Variants in GFOD1 observed in about 807,000 individuals in gnomAD.
GFOD1 encodes glucose-fructose oxidoreductase domain-containing protein 1.
In GFOD1, 9 loss-of-function variants were observed where a neutral mutation model predicts 25.4. That is an observed-to-expected ratio of 0.35 (90% CI 0.21 to 0.62). GFOD1 has a LOEUF of 0.62. Ranked by LOEUF, GFOD1 falls within the 20% of genes least tolerant of loss-of-function variation. The pLI is 0.72. For synonymous variants in GFOD1, 253 were observed against 245.6 expected (o/e 1.03, Z -0.28); for missense variants, 403 against 556.9 (o/e 0.72, Z 2.78).
Position 13,486,994 on chromosome 6 carries a change from T to C in GFOD1, c.-104A>G, listed in dbSNP as rs1012594565. On this transcript the variant is annotated 5_prime_UTR_variant, in exon 1 of 2. Coordinates refer to ENST00000379287, the MANE Select transcript of GFOD1 (RefSeq NM_018988.4). ...CTGCACCCCGCTCCTGTAGCCAATC[T>C]AGCCGCGGTGCGCCAGCCGCCGTGC... 20 of 1,382,558 alleles carry C rather than the reference T, an allele frequency of 1.4e-5. No homozygotes were observed. In the African/African-American group the frequency reaches 2.3e-4, roughly 16 times the overall value. The allele number at this position is 1,382,558 out of a possible 1,614,324, so 85.6% of individuals were successfully genotyped here. A position where few individuals can be genotyped will look rare whatever the true frequency, so the allele number is the denominator to read the frequency against.
At chr6:13,428,676 T>C (rs978759669) in intron 1 of GFOD1, among the ~76,000 whole-genome samples, 1 of 128,896 alleles carries the variant, frequency 7.8e-6, no homozygotes, top group Non-Finnish European at 1.8e-5. Flanking sequence ...AAAAAAGCCT[T>C]CCCTGAGGGA....
rs746909529 is a variant in GFOD1 at position 13,365,423 on chromosome 6, C to T, written c.493G>A (p.Asp165Asn). Residue 165 changes from aspartate to asparagine, a missense_variant, in exon 2 of 2, where the codon GAC (aspartate) becomes AAC (asparagine). Asp to Asn is a conservative substitution (Grantham distance 23). Coordinates refer to ENST00000379287, the MANE Select transcript of GFOD1 (RefSeq NM_018988.4). This position sits in a 1 kb window ranked among gnomAD's most constrained non-coding sequence, Gnocchi z 9.2. ...AGGCCGCCGCCGCCCATCAAGTCGT[C>T]GCAGCTCCAGTTGTACTTCTTGCCC... ...LLGKKYNWSC[D>N]DLMGGGGLHS... 23 of 1,613,830 alleles carry T rather than the reference C, an allele frequency of 1.4e-5. 2 individuals are homozygous for T. In the South Asian group the frequency reaches 2.2e-4, roughly 15 times the overall value.
At chr6:13,470,762 A>C in intron 1 of GFOD1, 1 of 1,281,244 alleles carries the variant, frequency 7.8e-7, no homozygotes, top group Non-Finnish European at 1.0e-6. Context: ...AGTACTCTAA[A>C]ATCATTACTT....
At position 13,364,945 on chromosome 6, in the gene GFOD1, C is replaced by A; in HGVS notation, c.971G>T (p.Arg324Leu). The A allele has an allele frequency of 6.2e-7, 1 of 1,611,190 alleles. No homozygotes were observed. Among genetic ancestry groups the A allele is most frequent in the Non-Finnish European group, 8.5e-7 (1 of 1,179,878 alleles). ...GGTGAGGGGCCGCCCATCCCACGTG[C>A]GCCGGTCGTCCTGGTCCTGGAAGGC... ...RQAFQDQDDR[R>L]TWDGRPLTMA... The change falls in exon 2 of 2, where the codon CGC (arginine) becomes CTC (leucine). Residue 324 changes from arginine (R) to leucine (L), a missense_variant. Physicochemically the swap from Arg to Leu is moderately radical, Grantham distance 102. Transcript: ENST00000379287. This position sits in a 1 kb window ranked among gnomAD's most constrained non-coding sequence, Gnocchi z 4.1.
chr6:13,482,978 T>C (rs1267989827), intron 1 of GFOD1, among the ~76,000 whole-genome samples: 1 of 151,550 alleles, frequency 6.6e-6, no homozygotes, highest in African/African-American at 2.4e-5. Context: ...CATATATATA[T>C]GGCCTTGAAT....
rs755237062 is a variant in GFOD1 at position 13,365,669 on chromosome 6, G to C, written c.254-7C>G. 6.3e-7 allele frequency: 1 copy of C among 1,586,538 alleles called. No individual in the cohort carries two copies. The highest frequency in any genetic ancestry group is 2.2e-5 in the East Asian group (1 of 44,632). On this transcript the variant is annotated splice_region_variant and splice_polypyrimidine_tract_variant and intron_variant, in intron 1 of 1. Coordinates refer to ENST00000379287, the MANE Select transcript of GFOD1 (RefSeq NM_018988.4). The surrounding 1 kb of genome is among the most constrained non-coding windows in gnomAD (Gnocchi z 9.2). ...ATGACGTTCTTGCCGATGCCTGCGG[G>C]TGGGAGGAAGACAGCGGTCAGCGGG...
chr6:13,410,616 A>AGAGAGAGAG (rs1786058066), intron 1 of GFOD1, among the ~76,000 whole-genome samples: 13 of 100,408 alleles, frequency 1.3e-4, no homozygotes, highest in Non-Finnish European at 1.6e-4. Context: ...GAGAGAGAGG[A>AGAGAGAGAG]AGGAAGAAAG....
intron 1 of GFOD1, among the ~76,000 whole-genome samples, chr6:13,401,925 T>G (rs940910408): frequency 1.3e-5 from 2 of 152,228 alleles, no homozygotes; most frequent in Non-Finnish European, 2.9e-5. Context: ...TAGCACTTCA[T>G]GATTTCAAAA....
At chr6:13,400,637 A>G (rs904598324) in intron 1 of GFOD1, among the ~76,000 whole-genome samples, 3 of 152,254 alleles carry the variant, frequency 2.0e-5, no homozygotes, top group African/African-American at 4.8e-5. Context: ...TGCTGATGGA[A>G]AAATACATAA....
intron 1 of GFOD1, among the ~76,000 whole-genome samples, chr6:13,443,223 T>C (rs1041054095): frequency 6.6e-6 from 1 of 152,210 alleles, no homozygotes; most frequent in Non-Finnish European, 1.5e-5. Flanking sequence ...AATCTCATGA[T>C]AAAGCTTGAA....
At chr6:13,442,917 A>G (rs1321010262) in intron 1 of GFOD1, among the ~76,000 whole-genome samples, 1 of 152,234 alleles carries the variant, frequency 6.6e-6, no homozygotes, top group Non-Finnish European at 1.5e-5. Flanking sequence ...TAAGAAATAT[A>G]CTTTGTAAAA....
intron 1 of GFOD1, among the ~76,000 whole-genome samples, chr6:13,420,804 T>TA (rs1219859655): frequency 6.6e-6 from 1 of 152,222 alleles, no homozygotes; most frequent in African/African-American, 2.4e-5. Flanking sequence ...CTTCTTCCTT[T>TA]GTGAGGGAGT....
At chr6:13,432,342 T>C (rs568719845) in intron 1 of GFOD1, among the ~76,000 whole-genome samples, 1 of 151,836 alleles carries the variant, frequency 6.6e-6, no homozygotes, top group African/African-American at 2.4e-5. Context: ...ACCTCCCAAG[T>C]AGCTGGGACC....
At chr6:13,410,627 GAAGA>G (rs1209380794) in intron 1 of GFOD1, among the ~76,000 whole-genome samples, 4 of 140,254 alleles carry the variant, frequency 2.9e-5, no homozygotes, top group South Asian at 2.2e-4. Context: ...AGGAAGAAAG[GAAGA>G]AAGAAAGAAA....
At chr6:13,448,390 C>T (rs1758041504) in intron 1 of GFOD1, among the ~76,000 whole-genome samples, 1 of 152,130 alleles carries the variant, frequency 6.6e-6, no homozygotes, top group African/African-American at 2.4e-5. Flanking sequence ...GCCCCTCCTC[C>T]CAATTGTTTA....
intron 1 of GFOD1, among the ~76,000 whole-genome samples, chr6:13,441,706 G>A (rs1478441938): frequency 6.6e-6 from 1 of 152,106 alleles, no homozygotes; most frequent in East Asian, 1.9e-4. Context: ...CAAGAGTTAA[G>A]TTCCTATGGC....
intron 1 of GFOD1, among the ~76,000 whole-genome samples, chr6:13,376,404 G>C (rs1463960105): frequency 2.6e-5 from 4 of 152,026 alleles, no homozygotes; most frequent in Non-Finnish European, 5.9e-5. Context: ...GCCTAGAACA[G>C]CCATTCTTGA....
chr6:13,456,722 A>G (rs1022574190), intron 1 of GFOD1, among the ~76,000 whole-genome samples: 3 of 152,170 alleles, frequency 2.0e-5, no homozygotes, highest in Non-Finnish European at 4.4e-5. Flanking sequence ...GCTGCACCAT[A>G]TAGAGTGGGC....
chr6:13,437,739 T>A (rs975016383), intron 1 of GFOD1, among the ~76,000 whole-genome samples: 1 of 152,184 alleles, frequency 6.6e-6, no homozygotes, highest in Non-Finnish European at 1.5e-5. Context: ...GCCAAAATAC[T>A]GATCATGACC....
Sources: gnomAD v4.1 joint callset for allele counts (sites outside exome capture counted in the v4.1 genomes callset) on GRCh38, gnomAD v4.1.1 for gene constraint, Gnocchi (gnomAD v3.1) non-coding constraint, MANE v1.5 for transcripts, NCBI Gene and HGNC (gene_info 2026-07-23, HGNC 2026-07-21) for gene names.